Variants in DLG1 observed in about 807,000 individuals in gnomAD.
DLG1 encodes discs large MAGUK scaffold protein 1, also known as disks large homolog 1.
In DLG1, 42 loss-of-function variants were observed where a neutral mutation model predicts 123.4. The observed-to-expected ratio is 0.34, with a 90% CI of 0.27 to 0.44. DLG1 has a LOEUF of 0.44. Ranked by LOEUF, DLG1 falls within the 20% of genes least tolerant of loss-of-function variation. DLG1 has a pLI of 1.00. For missense variants in DLG1, 942 were observed against 1,082.6 expected (o/e 0.87, Z 1.82); for synonymous variants, 317 against 356.2 (o/e 0.89, Z 1.24).
At chr3:197,110,909 T>A (rs1480908421) in intron 13 of DLG1, among the ~76,000 whole-genome samples, 1 of 152,168 alleles carries the variant, frequency 6.6e-6, no homozygotes, top group African/African-American at 2.4e-5. Context: ...CATGATCAGG[T>A]AGAGGTGAGA....
At chr3:197,289,713 C>T (rs868592761) in intron 3 of DLG1, among the ~76,000 whole-genome samples, 1 of 152,180 alleles carries the variant, frequency 6.6e-6, no homozygotes. Context: ...GTCAAATCTA[C>T]TCAAGCACAA....
chr3:197,066,636 T>C, intron 20 of DLG1, 68 bp downstream of exon 20: 1 of 1,273,372 alleles, frequency 7.9e-7, no homozygotes, highest in East Asian at 2.4e-5. Context: ...GGTATGAGAA[T>C]TTTTTTCCCC....
At position 197,091,306 on chromosome 3, in the gene DLG1, C is replaced by G. The variant is rs533755789; in HGVS notation, c.1547-280G>C. ...CAATTAAATGACAATTTCCATGCAT[C>G]AGACAGCAGTAATCTTATATTACTG... On this transcript the variant is annotated intron_variant, in intron 14 of 24. Coordinates refer to ENST00000667157, the MANE Select transcript of DLG1 (RefSeq NM_001366207.1). Among the ~76,000 whole-genome samples the G allele has an allele frequency of 1.4e-3, 210 of 152,058 alleles. 2 individuals are homozygous for G. In the Middle Eastern group the frequency reaches 0.068, roughly 49 times the overall value.
chr3:197,221,243 C>T (rs1410844116), intron 4 of DLG1, among the ~76,000 whole-genome samples: 3 of 152,150 alleles, frequency 2.0e-5, no homozygotes, highest in South Asian at 2.1e-4. Context: ...AGGGACCGGG[C>T]GTGGTGGCTC....
intron 12 of DLG1, among the ~76,000 whole-genome samples, chr3:197,118,738 T>C (rs1387563947): frequency 1.3e-5 from 2 of 152,220 alleles, no homozygotes. Context: ...ATTAGAATTC[T>C]TTGGGATTAA....
At chr3:197,083,431 C>T (rs766925096) in intron 16 of DLG1, among the ~76,000 whole-genome samples, 24 of 152,132 alleles carry the variant, frequency 1.6e-4, no homozygotes, top group Non-Finnish European at 2.8e-4. Context: ...CTTTAAAAAG[C>T]TCTTAAAGAA....
intron 5 of DLG1, among the ~76,000 whole-genome samples, chr3:197,176,782 G>A (rs542764286): frequency 6.6e-6 from 1 of 152,094 alleles, no homozygotes; most frequent in South Asian, 2.1e-4. Flanking sequence ...CAGGTTTTTG[G>A]GTGGATGTAA....
rs145453314 is a variant in DLG1 at position 197,112,357 on chromosome 3, G to A, written c.1443+3570C>T. Among the ~76,000 whole-genome samples, 1,339 of 152,202 alleles carry A rather than the reference G, an allele frequency of 8.8e-3. 12 individuals carry two copies. Among genetic ancestry groups the A allele is most frequent in the Non-Finnish European group, 0.015 (1,030 of 68,016 alleles). On this transcript the variant is annotated intron_variant, in intron 13 of 24. Transcript: ENST00000667157. ...CCCTACAAACCTCTTCATTCACTGC[G>A]GTTTGTGCACTTCTCTGATGCCTAA... is the stretch of plus-strand genomic sequence containing the variant.
intron 5 of DLG1, among the ~76,000 whole-genome samples, chr3:197,165,899 G>C (rs558566505): frequency 6.6e-6 from 1 of 152,292 alleles, no homozygotes; most frequent in African/African-American, 2.4e-5. Context: ...AACAATATAA[G>C]GCTTCTAGAG....
At chr3:197,216,208 A>C (rs1339714399) in intron 4 of DLG1, among the ~76,000 whole-genome samples, 1 of 152,216 alleles carries the variant, frequency 6.6e-6, no homozygotes, top group African/African-American at 2.4e-5. Context: ...ATAAATCATC[A>C]CTATTCCATC....
At chr3:197,255,966 C>G (rs1319374799) in intron 4 of DLG1, among the ~76,000 whole-genome samples, 1 of 152,006 alleles carries the variant, frequency 6.6e-6, no homozygotes, top group African/African-American at 2.4e-5. Context: ...TGAAAATAAC[C>G]AGGCTGTGAG....
intron 4 of DLG1, among the ~76,000 whole-genome samples, chr3:197,222,661 T>C (rs148138631): frequency 2.6e-5 from 4 of 152,264 alleles, no homozygotes; most frequent in Non-Finnish European, 4.4e-5. Context: ...CACAGCTAAG[T>C]GGGAACAGTA....
chr3:197,057,666 A>C (rs1732726110), intron 23 of DLG1, among the ~76,000 whole-genome samples: 1 of 152,164 alleles, frequency 6.6e-6, no homozygotes, highest in African/African-American at 2.4e-5. Flanking sequence ...TTAGTTGGGC[A>C]CTATCTCACA....
At position 197,045,257 on chromosome 3, in the gene DLG1, A is replaced by G. The variant is rs1225044574; in HGVS notation, c.2576-528T>C. 1.3e-5 allele frequency among the ~76,000 whole-genome samples: 2 copies of G among 152,162 alleles called. 1 individual carries two copies. Among genetic ancestry groups the G allele is most frequent in the Admixed American group, 1.3e-4 (2 of 15,236 alleles). ...GCTTGTTAGTGGTTAGAGACTTAAC[A>G]ATCAATGTTTATTTGCTGTCTGAAA... is the stretch of plus-strand genomic sequence containing the variant. On this transcript the variant is annotated intron_variant, in intron 24 of 24. Transcript: ENST00000667157.
chr3:197,251,206 A>G (rs1338362023), intron 4 of DLG1, among the ~76,000 whole-genome samples: 1 of 152,058 alleles, frequency 6.6e-6, no homozygotes, highest in Non-Finnish European at 1.5e-5. Flanking sequence ...CCCAGTCTCT[A>G]CAAAAACAAA....
chr3:197,188,464 A>G (rs1161456744), intron 5 of DLG1, among the ~76,000 whole-genome samples: 1 of 152,224 alleles, frequency 6.6e-6, no homozygotes, highest in Non-Finnish European at 1.5e-5. Context: ...TGCTAAATGC[A>G]TGTATTGCTT....
chr3:197,146,890 A>G (rs919009542), intron 6 of DLG1, among the ~76,000 whole-genome samples: 9 of 152,210 alleles, frequency 5.9e-5, no homozygotes, highest in Non-Finnish European at 1.2e-4. Flanking sequence ...TTCACAATCT[A>G]TACTTCTGAC....
intron 5 of DLG1, among the ~76,000 whole-genome samples, chr3:197,153,798 T>C (rs1156586004): frequency 3.3e-5 from 5 of 151,904 alleles, no homozygotes; most frequent in African/African-American, 1.2e-4. Flanking sequence ...GCTCAGAAAA[T>C]ATCTAAGAAG....
intron 4 of DLG1, among the ~76,000 whole-genome samples, chr3:197,200,902 G>A (rs1725297467): frequency 6.6e-6 from 1 of 152,068 alleles, no homozygotes; most frequent in Admixed American, 6.5e-5. Context: ...AAAGTTAAAA[G>A]CATTCCCTCT....
Sources: allele counts gnomAD v4.1 joint callset (sites outside exome capture counted in the v4.1 genomes callset), GRCh38; gene constraint gnomAD v4.1.1; transcripts MANE v1.5; gene names NCBI Gene and HGNC (gene_info 2026-07-23, HGNC 2026-07-21).